The following LEPR variants were observed in gnomAD, a reference collection of about 807,000 sequenced individuals.
LEPR encodes OB receptor.
Under a neutral mutation model 114.7 loss-of-function variants are expected in LEPR, and 56 were observed. The ratio of observed to expected loss-of-function variants is 0.49; its 90% confidence interval spans 0.39 to 0.61. LEPR has a LOEUF of 0.61. Ranked by LOEUF, LEPR falls within the 20% of genes least tolerant of loss-of-function variation. The pLI is 0.00. For missense variants in LEPR, 1,202 were observed against 1,352.9 expected, an observed-to-expected ratio of 0.89 and a Z score of 1.75; for synonymous variants, 443 against 461.4, an observed-to-expected ratio of 0.96 and a Z score of 0.51.
intron 2 of LEPR, among the ~76,000 whole-genome samples, chr1:65,452,928 A>G (rs1026087339): frequency 1.2e-4 from 19 of 152,302 alleles, no homozygotes; most frequent in South Asian, 6.2e-4. Context: ...TTTGGTTGGT[A>G]AGCTATTGAT....
intron 2 of LEPR, among the ~76,000 whole-genome samples, chr1:65,452,515 T>G (rs984321174): frequency 2.0e-5 from 3 of 152,190 alleles, no homozygotes; most frequent in Non-Finnish European, 4.4e-5. Context: ...TCAAATGCCT[T>G]TTCTGCATCT....
rs144660411 is a variant in LEPR at position 65,609,711 on chromosome 1, C to A, written c.1753-236C>A. Among the ~76,000 whole-genome samples, 61 of 152,156 alleles carry A rather than the reference C, an allele frequency of 4.0e-4. No individual in the cohort carries two copies. The East Asian group carries it at 0.01, about 26-fold the overall frequency. Reference sequence around the variant, plus strand: ...TTTGGGAAACAAGGTTGCAAGTAAACCAGTTCAAAATCTTGTCATCATCAG... The same window carrying A: ...TTTGGGAAACAAGGTTGCAAGTAAAACAGTTCAAAATCTTGTCATCATCAG... On this transcript the variant is annotated intron_variant, in intron 12 of 19. Coordinates refer to ENST00000349533, the MANE Select transcript of LEPR (RefSeq NM_002303.6).
chr1:65,553,592 G>A (rs1378481998), intron 2 of LEPR, among the ~76,000 whole-genome samples: 6 of 152,008 alleles, frequency 3.9e-5, no homozygotes, highest in African/African-American at 1.4e-4. Flanking sequence ...TCTATATACT[G>A]GTTTTTCTAG....
At chr1:65,451,041 T>G (rs1411840500) in intron 2 of LEPR, among the ~76,000 whole-genome samples, 1 of 150,202 alleles carries the variant, frequency 6.7e-6, no homozygotes, top group Non-Finnish European at 1.5e-5. Context: ...TGGTGAGCAT[T>G]TTTTCATGTG....
At chr1:65,612,146 C>G (rs1657217250) in intron 14 of LEPR, among the ~76,000 whole-genome samples, 1 of 152,166 alleles carries the variant, frequency 6.6e-6, no homozygotes, top group Non-Finnish European at 1.5e-5. Context: ...AGGAGTAAGC[C>G]ACAAGGCCAC....
chr1:65,584,673 A>C (rs1284347987), intron 5 of LEPR, among the ~76,000 whole-genome samples: 1 of 152,080 alleles, frequency 6.6e-6, no homozygotes, highest in Non-Finnish European at 1.5e-5. Context: ...ACTGAAGTGC[A>C]ATATTGTTTA....
chr1:65,569,481 C>T (rs756034480), intron 3 of LEPR, among the ~76,000 whole-genome samples: 2 of 151,864 alleles, frequency 1.3e-5, no homozygotes, highest in Non-Finnish European at 2.9e-5. Flanking sequence ...CCAAGGTGGG[C>T]GGATCACCTG....
At chr1:65,499,588 C>A (rs550113343) in intron 2 of LEPR, among the ~76,000 whole-genome samples, 1 of 152,084 alleles carries the variant, frequency 6.6e-6, no homozygotes, top group African/African-American at 2.4e-5. Flanking sequence ...AATTCCACCA[C>A]GGAGAAATGT....
chr1:65,471,881 G>A (rs542099798), intron 2 of LEPR, among the ~76,000 whole-genome samples: 16 of 152,202 alleles, frequency 1.1e-4, no homozygotes, highest in East Asian at 7.7e-4. Flanking sequence ...ATAACATCCC[G>A]TGATATTAGA....
chr1:65,544,665 C>T (rs566445158), intron 2 of LEPR, among the ~76,000 whole-genome samples: 5 of 149,688 alleles, frequency 3.3e-5, no homozygotes, highest in East Asian at 1.9e-4. Flanking sequence ...TGAATATTAT[C>T]GAAGGCCTTT....
intron 2 of LEPR, among the ~76,000 whole-genome samples, chr1:65,451,182 T>C (rs1343878832): frequency 1.3e-5 from 2 of 152,226 alleles, no homozygotes; most frequent in African/African-American, 4.8e-5. Context: ...TATTAGCCCT[T>C]TGGCAGATGA....
intron 2 of LEPR, among the ~76,000 whole-genome samples, chr1:65,486,798 A>G (rs1384264495): frequency 1.3e-5 from 2 of 152,130 alleles, no homozygotes; most frequent in African/African-American, 4.8e-5. Flanking sequence ...CCTCAGGGAG[A>G]ACATGAGGTG....
chr1:65,447,237 G>C (rs1323968312), intron 2 of LEPR, among the ~76,000 whole-genome samples: 2 of 151,904 alleles, frequency 1.3e-5, no homozygotes, highest in Non-Finnish European at 2.9e-5. Flanking sequence ...TTAGATTTAG[G>C]TCTGTAATAC....
At chr1:65,545,062 T>C (rs1319146544) in intron 2 of LEPR, among the ~76,000 whole-genome samples, 1 of 147,304 alleles carries the variant, frequency 6.8e-6, no homozygotes, top group African/African-American at 2.5e-5. Context: ...CGGTGTTTGG[T>C]TTTTTGTTCT....
intron 3 of LEPR, among the ~76,000 whole-genome samples, chr1:65,566,201 CTTTTTT>C (rs35617332): frequency 8.8e-6 from 1 of 113,570 alleles, no homozygotes; most frequent in Non-Finnish European, 1.8e-5. Context: ...TAGATTAATT[CTTTTTT>C]TTTTTTTTTT....
chr1:65,634,524 TC>T (rs1161498965), intron 19 of LEPR: 5 of 943,554 alleles, frequency 5.3e-6, no homozygotes, highest in Non-Finnish European at 6.3e-6. Flanking sequence ...AAAACATATT[TC>T]AATAGTATAT....
At chr1:65,571,873 G>A (rs891981088) in intron 4 of LEPR, among the ~76,000 whole-genome samples, 14 of 147,098 alleles carry the variant, frequency 9.5e-5, no homozygotes, top group South Asian at 4.3e-4. Context: ...AGGAGACTGA[G>A]GTGGGAAGAT....
intron 2 of LEPR, among the ~76,000 whole-genome samples, chr1:65,544,511 T>A (rs771401184): frequency 2.6e-5 from 4 of 152,014 alleles, no homozygotes; most frequent in Admixed American, 6.5e-5. Flanking sequence ...GGCATTCTTG[T>A]CTTGTGCCAG....
At chr1:65,603,698 GTTTT>G (rs71736052) in intron 10 of LEPR, among the ~76,000 whole-genome samples, 3 of 135,318 alleles carry the variant, frequency 2.2e-5, no homozygotes, top group Admixed American at 7.3e-5. Context: ...TTTGCAACTG[GTTTT>G]TTTTTTTTTT....
Sources: gnomAD v4.1 joint callset for allele counts (sites outside exome capture counted in the v4.1 genomes callset) on GRCh38, gnomAD v4.1.1 for gene constraint, MANE v1.5 for transcripts, NCBI Gene and HGNC (gene_info 2026-07-23, HGNC 2026-07-21) for gene names.